The following PIGG variants were observed in gnomAD, a reference collection of about 807,000 sequenced individuals.
PIGG encodes the protein phosphatidylinositol glycan anchor biosynthesis class G (EMM blood group).
A neutral mutation model predicts 83.2 loss-of-function variants in PIGG; 70 were observed. The observed-to-expected ratio is 0.84, with a 90% CI of 0.69 to 1.03. The LOEUF (loss-of-function observed/expected upper bound fraction) is 1.03. Ranked by LOEUF, PIGG falls within the 50% of genes least tolerant of loss-of-function variation. The probability of loss-of-function intolerance (pLI) is 0.00; values close to 1 mark genes in which losing one functional copy is unlikely to be tolerated. For missense variants in PIGG, 1,257 were observed against 1,233.6 expected (o/e 1.02, Z -0.28); for synonymous variants, 532 against 519.5 (o/e 1.02, Z -0.33).
chr4:531,014 G>T, intron 11 of PIGG: 1 of 450,626 alleles, frequency 2.2e-6, no homozygotes, highest in Non-Finnish European at 3.9e-6. Context: ...AGTTCAGGAA[G>T]CACAGACATC....
At chr4:531,026 C>T (rs1481050135) in intron 11 of PIGG, 4 of 415,344 alleles carry the variant, frequency 9.6e-6, no homozygotes, top group East Asian at 4.1e-5. Flanking sequence ...ACAGACATCA[C>T]GTTGTTCACT....
intron 3 of PIGG, 95 bp downstream of exon 3, chr4:506,022 T>C: frequency 1.2e-6 from 1 of 817,812 alleles, no homozygotes; most frequent in South Asian, 1.8e-5. Flanking sequence ...TACCATTTTA[T>C]ATTTGGTTTT....
chr4:528,261 T>C lies in PIGG; in HGVS notation c.2261+1031T>C. ...TTTCATACTTATATGAAAGACTACA[T>C]ACTTAAAATACTGGTGATTATATTT... On this transcript the variant is annotated intron_variant, in intron 10 of 12. Coordinates refer to ENST00000453061, the MANE Select transcript of PIGG (RefSeq NM_001127178.3). This position sits in a 1 kb window ranked among gnomAD's most constrained non-coding sequence, Gnocchi z 4.8. 4 of 982,504 alleles carry C rather than the reference T, an allele frequency of 4.1e-6. No homozygotes were observed. Among genetic ancestry groups the C allele is most frequent in the Non-Finnish European group, 4.8e-6 (4 of 827,330 alleles). The allele number at this position is 982,504 out of a possible 1,614,324, so 60.9% of individuals were successfully genotyped here. A position where few individuals can be genotyped will look rare whatever the true frequency, so the allele number is the denominator to read the frequency against.
Position 499,279 on chromosome 4 carries a change from G to A in PIGG, c.-57G>A. ...GCTACCTGGAGCCGGAAGCGCGGCT[G>A]CAGCAGGGCGAGGCTCCAGGTGGGG... is the stretch of plus-strand genomic sequence containing the variant. On this transcript the variant is annotated 5_prime_UTR_variant, in exon 1 of 13. Transcript: ENST00000453061. 3.2e-6 allele frequency: 5 copies of A among 1,571,996 alleles called. No individual in the cohort carries two copies. Among genetic ancestry groups the A allele is most frequent in the Non-Finnish European group, 2.6e-6 (3 of 1,162,350 alleles).
chr4:520,439 C>T (rs1170551980), intron 6 of PIGG, among the ~76,000 whole-genome samples: 3 of 152,118 alleles, frequency 2.0e-5, no homozygotes, highest in Admixed American at 1.3e-4. Context: ...GGCATCCATG[C>T]GCCCAGCAGA....
chr4:501,104 TCCAGCC>T (rs1229513666), intron 2 of PIGG: 1 of 456,246 alleles, frequency 2.2e-6, no homozygotes, highest in Non-Finnish European at 4.4e-6. Flanking sequence ...CCTTCAGGTG[TCCAGCC>T]TACTGACAGC....
chr4:505,714 G>A lies in PIGG; in HGVS notation c.361-4G>A, dbSNP rs1719435010. The A allele has an allele frequency of 6.2e-7, 1 of 1,610,442 alleles. No individual in the cohort carries two copies. Among genetic ancestry groups the A allele is most frequent in the Non-Finnish European group, 8.5e-7 (1 of 1,177,466 alleles). On this transcript the variant is annotated splice_region_variant and splice_polypyrimidine_tract_variant and intron_variant, in intron 2 of 12. Coordinates refer to ENST00000453061, the MANE Select transcript of PIGG (RefSeq NM_001127178.3). ...GGCCTAATTCTTGCATTTTCTGACT[G>A]CAGGCATTGATGACGGGGAGCCTTC...
chr4:501,332 G>A (rs782303695), intron 2 of PIGG, among the ~76,000 whole-genome samples: 33 of 152,232 alleles, frequency 2.2e-4, no homozygotes, highest in Non-Finnish European at 4.7e-4. Context: ...ACATGCAGTT[G>A]TAAAGTGTGG....
chr4:534,106 CT>C (rs960353365), intron 12 of PIGG, 125 bp downstream of exon 12: 16 of 813,518 alleles, frequency 2.0e-5, no homozygotes, highest in Non-Finnish European at 3.1e-5. Context: ...CAACAGTTTT[CT>C]TTTCCTTAAA....
intron 5 of PIGG, among the ~76,000 whole-genome samples, chr4:509,389 C>T (rs987116160): frequency 7.9e-5 from 12 of 152,210 alleles, no homozygotes; most frequent in African/African-American, 1.7e-4. Context: ...ACAGAGGCCC[C>T]GTCTGTCAGT....
chr4:517,510 G>C (rs1160511063), intron 6 of PIGG, among the ~76,000 whole-genome samples: 1 of 152,190 alleles, frequency 6.6e-6, no homozygotes, highest in South Asian at 2.1e-4. Flanking sequence ...GGGGGTGTTG[G>C]TGTCCAGGAA....
chr4:531,073 T>G, intron 11 of PIGG: 1 of 269,614 alleles, frequency 3.7e-6, no homozygotes, highest in African/African-American at 2.2e-5. Flanking sequence ...TTCTCGTTCA[T>G]GCCCTTTGCC....
chr4:507,369 A>T, intron 3 of PIGG, 36 bp from the exon 4 acceptor site: 1 of 1,505,164 alleles, frequency 6.6e-7, no homozygotes, highest in South Asian at 1.2e-5. Flanking sequence ...CAGGGAAATT[A>T]GGTGAGTTGT....
chr4:510,725 T>A (rs1170350959), intron 5 of PIGG, among the ~76,000 whole-genome samples: 1 of 152,190 alleles, frequency 6.6e-6, no homozygotes, highest in East Asian at 1.9e-4. Context: ...AGGACTGTAC[T>A]CTGGTGTACT....
rs1553874924 is a variant in PIGG, at chr4:500,389, C to A, written c.155-7C>A. 5.0e-6 allele frequency: 8 copies of A among 1,607,512 alleles called. No individual in the cohort carries two copies. Among genetic ancestry groups the A allele is most frequent in the Non-Finnish European group, 6.8e-6 (8 of 1,175,110 alleles). Reference sequence around the variant, plus strand: ...TCAATTTCCTTTTTTTTCTTTCAAACACTTAGGAGCCAGTTCTAACTGGAC... The same window carrying A: ...TCAATTTCCTTTTTTTTCTTTCAAAAACTTAGGAGCCAGTTCTAACTGGAC... On this transcript the variant is annotated splice_polypyrimidine_tract_variant and splice_region_variant and intron_variant, in intron 1 of 12. Transcript: ENST00000453061.
At position 499,620 on chromosome 4, in the gene PIGG, A is replaced by C. The variant is rs1716806809; in HGVS notation, c.154+131A>C. The C allele has an allele frequency of 2.1e-6, 3 of 1,420,914 alleles. No homozygotes were observed. The South Asian group carries it at 4.7e-5, about 22-fold the overall frequency. 88.0% of individuals were successfully genotyped at this position (1,420,914 alleles called of 1,614,324 possible). The stretch of plus-strand genomic sequence containing the variant: ...TCTCTTCCATTATGGTCCCCACCTC[A>C]GAAATTTTTTTTAACCGCTCCAGCG... On this transcript the variant is annotated intron_variant, in intron 1 of 12. Transcript: ENST00000453061.
At chr4:538,138 G>A (rs375381933) in intron 12 of PIGG, among the ~76,000 whole-genome samples, 1 of 152,114 alleles carries the variant, frequency 6.6e-6, no homozygotes. Flanking sequence ...ACACACACAC[G>A]TGCCGACAGG....
At chr4:499,801 C>T in intron 1 of PIGG, 1 of 1,151,114 alleles carries the variant, frequency 8.7e-7, no homozygotes, top group Non-Finnish European at 1.1e-6. Context: ...TCCTGAGCAG[C>T]CTTTGGGTCA....
chr4:538,326 G>T (rs1047848640), intron 12 of PIGG, among the ~76,000 whole-genome samples: 6 of 152,086 alleles, frequency 3.9e-5, no homozygotes, highest in Non-Finnish European at 8.8e-5. Context: ...AAAACTAGGG[G>T]GTACATTAAC....
Sources: gnomAD v4.1 joint callset for allele counts (sites outside exome capture counted in the v4.1 genomes callset) on GRCh38, gnomAD v4.1.1 for gene constraint, Gnocchi (gnomAD v3.1) non-coding constraint, MANE v1.5 for transcripts, NCBI Gene and HGNC (gene_info 2026-07-23, HGNC 2026-07-21) for gene names.